Variants in MCMBP observed in about 807,000 individuals in gnomAD.
The protein encoded by MCMBP is minichromosome maintenance complex binding protein.
Under a neutral mutation model 81.3 loss-of-function variants are expected in MCMBP, and 31 were observed. That is an observed-to-expected ratio of 0.38 (90% CI 0.29 to 0.51). The LOEUF (loss-of-function observed/expected upper bound fraction) is 0.51. Ranked by LOEUF, MCMBP falls within the 20% of genes least tolerant of loss-of-function variation. MCMBP has a pLI of 0.87. For synonymous variants in MCMBP, 267 were observed against 275.9 expected (o/e 0.97, Z 0.32); for missense variants, 645 against 772.1 (o/e 0.84, Z 1.95).
At chr10:119,851,520 C>G (rs1036675336) in intron 6 of MCMBP, among the ~76,000 whole-genome samples, 1 of 152,038 alleles carries the variant, frequency 6.6e-6, no homozygotes, top group Non-Finnish European at 1.5e-5. Flanking sequence ...CAACCTCCGC[C>G]CCTCTGGGTT....
At chr10:119,871,125 A>T (rs1181846482) in intron 1 of MCMBP, among the ~76,000 whole-genome samples, 1 of 152,162 alleles carries the variant, frequency 6.6e-6, no homozygotes, top group Admixed American at 6.5e-5. Context: ...CCCTTTAAGC[A>T]CCAAACCTTT....
chr10:119,863,267 TTA>T (rs1329102923), intron 1 of MCMBP, among the ~76,000 whole-genome samples: 4 of 152,162 alleles, frequency 2.6e-5, no homozygotes, highest in African/African-American at 9.7e-5. Context: ...TCTAAAAGTT[TTA>T]TAGTTTCAGG....
chr10:119,836,141 A>G (rs1852233433), intron 13 of MCMBP, among the ~76,000 whole-genome samples: 2 of 152,212 alleles, frequency 1.3e-5, no homozygotes, highest in Non-Finnish European at 2.9e-5. Flanking sequence ...GTGAGCATCT[A>G]TTTTTAATAT....
intron 6 of MCMBP, 152 bp downstream of exon 6, chr10:119,852,898 T>C: frequency 1.1e-6 from 1 of 875,260 alleles, no homozygotes; most frequent in Non-Finnish European, 1.8e-6. Flanking sequence ...AAGCACAGTC[T>C]CATCAGAGTA....
chr10:119,847,812 C>T (rs17099343), intron 7 of MCMBP, 99 bp from the exon 8 acceptor site: 116,925 of 626,622 alleles, frequency 0.19, 12,521 homozygotes, highest in South Asian at 0.43. Flanking sequence ...GATCAGGAAA[C>T]AGACCTTAAA....
At chr10:119,868,926 G>C (rs759512695) in intron 1 of MCMBP, among the ~76,000 whole-genome samples, 17 of 152,304 alleles carry the variant, frequency 1.1e-4, no homozygotes, top group Middle Eastern at 3.4e-3. Context: ...GGGGTACGCA[G>C]TGATAAAGTC....
At chr10:119,855,226 A>G (rs1311617199) in intron 5 of MCMBP, among the ~76,000 whole-genome samples, 6 of 152,212 alleles carry the variant, frequency 3.9e-5, no homozygotes, top group Non-Finnish European at 8.8e-5. Flanking sequence ...AAATTAGAAA[A>G]TATTTTGAAT....
At chr10:119,837,131 AAT>A (rs1183446143) in intron 12 of MCMBP, 102 bp from the exon 13 acceptor site, 1 of 1,223,446 alleles carries the variant, frequency 8.2e-7, no homozygotes, top group African/African-American at 1.5e-5. Flanking sequence ...TACCACTTTT[AAT>A]AAAGGGTATG....
At chr10:119,858,744 A>G in intron 4 of MCMBP, 140 bp downstream of exon 4, 1 of 720,030 alleles carries the variant, frequency 1.4e-6, no homozygotes, top group African/African-American at 1.8e-5. Context: ...ACTCCTAAAT[A>G]AAACCAAATA....
rs938768883 is a variant in MCMBP, at chr10:119,865,665, A to C, written c.59-5781T>G. Among the ~76,000 whole-genome samples the C allele has an allele frequency of 2.0e-5, 3 of 152,342 alleles. No individual in the cohort carries two copies. The South Asian group carries it at 6.2e-4, about 32-fold the overall frequency. Reference sequence around the variant, plus strand: ...ACATTCACACAAAAACTTGTACATGAATGTTTATAGTAGCAGTATTTATAA... The same window carrying C: ...ACATTCACACAAAAACTTGTACATGCATGTTTATAGTAGCAGTATTTATAA... On this transcript the variant is annotated intron_variant, in intron 1 of 15. Transcript: ENST00000369077.
rs1305807713 is a variant in MCMBP, at chr10:119,835,378, C to T, written c.1707+162G>A. On this transcript the variant is annotated intron_variant, in intron 14 of 15. Transcript: ENST00000369077. ...GATTAAAATGGGACACTGGAAAATA[C>T]CTATTTCAAACAAAAAGACAATAAT... Among the ~76,000 whole-genome samples, 3 of 151,946 alleles carry T rather than the reference C, an allele frequency of 2.0e-5. No individual in the cohort carries two copies. In the South Asian group the frequency reaches 6.2e-4, roughly 32 times the overall value.
At chr10:119,859,763 T>A (rs753798300) in intron 2 of MCMBP, 36 bp downstream of exon 2, 19 of 1,465,124 alleles carry the variant, frequency 1.3e-5, no homozygotes, top group Non-Finnish European at 1.8e-5. Context: ...GTATAGTCTG[T>A]CCAACCCTCT....
chr10:119,862,857 T>TA (rs1352674351), intron 1 of MCMBP, among the ~76,000 whole-genome samples: 21 of 152,394 alleles, frequency 1.4e-4, no homozygotes, highest in African/African-American at 4.8e-4. Flanking sequence ...TTAGCTGTTC[T>TA]AATATGCAAT....
At chr10:119,832,609 A>G (rs1852087798) in intron 14 of MCMBP, among the ~76,000 whole-genome samples, 3 of 152,062 alleles carry the variant, frequency 2.0e-5, no homozygotes, top group Non-Finnish European at 4.4e-5. Context: ...ACAGCCTGGC[A>G]GCCACCGGAG....
At chr10:119,831,905 A>G in intron 15 of MCMBP, 107 bp downstream of exon 15, 2 of 1,201,992 alleles carry the variant, frequency 1.7e-6, no homozygotes, top group Non-Finnish European at 1.2e-6. Flanking sequence ...TTTTAAAAGG[A>G]AAAGTTCATT....
intron 10 of MCMBP, among the ~76,000 whole-genome samples, chr10:119,841,740 A>G (rs1589780756): frequency 6.6e-6 from 1 of 152,246 alleles, no homozygotes; most frequent in East Asian, 1.9e-4. Context: ...AAAGGCCCAC[A>G]CTAGTTTTAA....
At chr10:119,848,465 G>A (rs1852697316) in intron 7 of MCMBP, among the ~76,000 whole-genome samples, 1 of 151,832 alleles carries the variant, frequency 6.6e-6, no homozygotes, top group African/African-American at 2.4e-5. Context: ...TATAAAGAAC[G>A]AGCTGGGTGT....
chr10:119,852,928 G>A (rs1345845114), intron 6 of MCMBP, 122 bp downstream of exon 6: 4 of 1,200,266 alleles, frequency 3.3e-6, no homozygotes, highest in East Asian at 2.4e-5. Flanking sequence ...CTCTCAACAT[G>A]TCTGTAACTC....
intron 1 of MCMBP, among the ~76,000 whole-genome samples, chr10:119,870,028 T>C (rs1038532820): frequency 6.6e-6 from 1 of 152,220 alleles, no homozygotes. Context: ...TTAATTTACA[T>C]TTAAATAGCC....
Sources: gnomAD v4.1 joint callset for allele counts (sites outside exome capture counted in the v4.1 genomes callset) on GRCh38, gnomAD v4.1.1 for gene constraint, MANE v1.5 for transcripts, NCBI Gene and HGNC (gene_info 2026-07-23, HGNC 2026-07-21) for gene names.